Variants in PDSS2 observed in about 807,000 individuals in gnomAD.
PDSS2 encodes the protein decaprenyl diphosphate synthase subunit 2.
In PDSS2, 31 loss-of-function variants were observed where a neutral mutation model predicts 44.5. The observed-to-expected ratio is 0.70, with a 90% confidence interval of 0.52 to 0.94. The LOEUF (loss-of-function observed/expected upper bound fraction) is 0.94, where lower values mean the gene tolerates loss of function less well. Among genes scored for constraint, PDSS2 ranks in the 40% least tolerant of loss-of-function variants. The pLI, the probability that PDSS2 is intolerant of heterozygous loss-of-function variation, is 0.00. For synonymous variants in PDSS2, 157 were observed against 180.3 expected, an observed-to-expected ratio of 0.87 and a Z score of 1.03; for missense variants, 452 against 482.2, an observed-to-expected ratio of 0.94 and a Z score of 0.59.
intron 1 of PDSS2, among the ~76,000 whole-genome samples, chr6:107,427,265 T>C (rs966887840): frequency 2.6e-5 from 4 of 152,204 alleles, no homozygotes; most frequent in Non-Finnish European, 4.4e-5. Flanking sequence ...CTGCCATCCA[T>C]GTAGGCTATC....
intron 4 of PDSS2, among the ~76,000 whole-genome samples, chr6:107,243,770 GA>G (rs1253312566): frequency 1.3e-5 from 2 of 152,182 alleles, no homozygotes; most frequent in Non-Finnish European, 2.9e-5. Context: ...AGACCTAGGT[GA>G]GGACAGGCAC....
chr6:107,266,329 A>G (rs145328240), intron 3 of PDSS2, among the ~76,000 whole-genome samples: 1 of 152,184 alleles, frequency 6.6e-6, no homozygotes, highest in African/African-American at 2.4e-5. Flanking sequence ...GAGAAGATCA[A>G]TTACAGACCC....
At chr6:107,447,434 A>G (rs1781724056) in intron 1 of PDSS2, among the ~76,000 whole-genome samples, 1 of 152,182 alleles carries the variant, frequency 6.6e-6, no homozygotes, top group African/African-American at 2.4e-5. Flanking sequence ...TCCAAATGGG[A>G]GAAACTGGCC....
At chr6:107,357,257 C>T (rs1236527759) in intron 1 of PDSS2, among the ~76,000 whole-genome samples, 1 of 152,018 alleles carries the variant, frequency 6.6e-6, no homozygotes, top group Admixed American at 6.6e-5. Flanking sequence ...TTTATACAGG[C>T]TATTAACTAT....
chr6:107,244,202 T>G (rs1477089842), intron 4 of PDSS2, among the ~76,000 whole-genome samples: 1 of 152,186 alleles, frequency 6.6e-6, no homozygotes, highest in East Asian at 1.9e-4. Context: ...TAACAAGTTG[T>G]GTGACCTTGG....
chr6:107,223,764 G>A (rs1773695144), intron 4 of PDSS2, among the ~76,000 whole-genome samples: 1 of 145,306 alleles, frequency 6.9e-6, no homozygotes, highest in Non-Finnish European at 1.5e-5. Context: ...ACCCGCCCCC[G>A]ACCCCGACCC....
At chr6:107,271,079 C>T (rs1775583528) in intron 3 of PDSS2, among the ~76,000 whole-genome samples, 1 of 152,212 alleles carries the variant, frequency 6.6e-6, no homozygotes, top group Non-Finnish European at 1.5e-5. Context: ...GAGTCGTATG[C>T]ATATATACCT....
At chr6:107,422,683 G>A (rs1023995252) in intron 1 of PDSS2, among the ~76,000 whole-genome samples, 1 of 151,960 alleles carries the variant, frequency 6.6e-6, no homozygotes, top group African/African-American at 2.4e-5. Context: ...ACTGTTGAGA[G>A]AGAAAAGTAA....
Position 107,264,295 on chromosome 6 carries a change from A to G in PDSS2, c.630+9734T>C, listed in dbSNP as rs1353014220. 1.1e-5 allele frequency: 15 copies of G among 1,414,922 alleles called. No individual in the cohort carries two copies. The South Asian group carries it at 1.9e-4, about 18-fold the overall frequency. 87.6% of individuals were successfully genotyped at this position (1,414,922 alleles called of 1,614,324 possible). A position where few individuals can be genotyped will look rare whatever the true frequency, so the allele number is the denominator to read the frequency against. On this transcript the variant is annotated intron_variant, in intron 3 of 7. Coordinates refer to ENST00000369037, the MANE Select transcript of PDSS2 (RefSeq NM_020381.4). ...ATACTTCATTTTAAACAACATATTT[A>G]CGCCTTTAGGAAAACAAAGTTAACA...
chr6:107,358,075 A>G (rs535250107), intron 1 of PDSS2, among the ~76,000 whole-genome samples: 1 of 152,344 alleles, frequency 6.6e-6, no homozygotes, highest in Non-Finnish European at 1.5e-5. Flanking sequence ...AAATAATGCC[A>G]TAAGTGGAAT....
intron 4 of PDSS2, among the ~76,000 whole-genome samples, chr6:107,232,138 T>C (rs1296759897): frequency 1.3e-5 from 2 of 152,146 alleles, no homozygotes; most frequent in Non-Finnish European, 2.9e-5. Context: ...GAGTAATAAC[T>C]AAAACAGAGT....
intron 2 of PDSS2, among the ~76,000 whole-genome samples, chr6:107,287,723 T>C (rs1356612865): frequency 6.6e-6 from 1 of 152,196 alleles, no homozygotes; most frequent in African/African-American, 2.4e-5. Context: ...GTTTTCACCA[T>C]GTTGACCAGA....
intron 1 of PDSS2, among the ~76,000 whole-genome samples, chr6:107,393,288 A>G (rs1294274049): frequency 6.6e-6 from 1 of 152,072 alleles, no homozygotes; most frequent in East Asian, 1.9e-4. Context: ...CTATTGTTTA[A>G]TTTCTAAATA....
At chr6:107,395,163 T>C (rs1305697551) in intron 1 of PDSS2, among the ~76,000 whole-genome samples, 1 of 152,148 alleles carries the variant, frequency 6.6e-6, no homozygotes, top group African/African-American at 2.4e-5. Flanking sequence ...TTGATAAGCA[T>C]ACCTTTATTC....
At chr6:107,334,488 C>A (rs1777813193) in intron 1 of PDSS2, among the ~76,000 whole-genome samples, 156 bp from the exon 2 acceptor site, 1 of 151,880 alleles carries the variant, frequency 6.6e-6, no homozygotes, top group Non-Finnish European at 1.5e-5. Flanking sequence ...TGTGAGGATG[C>A]CATGAGTTCA....
chr6:107,277,678 C>A (rs956554561), intron 2 of PDSS2, among the ~76,000 whole-genome samples: 23 of 152,084 alleles, frequency 1.5e-4, no homozygotes, highest in African/African-American at 5.3e-4. Flanking sequence ...TCAGGCCAGG[C>A]GCGGTGGCTC....
intron 3 of PDSS2, among the ~76,000 whole-genome samples, chr6:107,256,327 C>G (rs946457897): frequency 6.6e-6 from 1 of 152,160 alleles, no homozygotes; most frequent in Non-Finnish European, 1.5e-5. Context: ...TTCCTGAAAA[C>G]AAATTGGCTT....
chr6:107,400,369 A>G (rs888928763), intron 1 of PDSS2, among the ~76,000 whole-genome samples: 7 of 152,174 alleles, frequency 4.6e-5, no homozygotes, highest in African/African-American at 1.7e-4. Flanking sequence ...AGGACACCCC[A>G]CAGTCAGAAC....
chr6:107,156,766 T>C (rs922148614), intron 7 of PDSS2, among the ~76,000 whole-genome samples: 3 of 152,198 alleles, frequency 2.0e-5, no homozygotes, highest in African/African-American at 4.8e-5. Context: ...CCTGGATCCC[T>C]GAGTGACTGT....
Sources: gnomAD v4.1 joint callset for allele counts (sites outside exome capture counted in the v4.1 genomes callset) on GRCh38, gnomAD v4.1.1 for gene constraint, MANE v1.5 for transcripts, NCBI Gene and HGNC (gene_info 2026-07-23, HGNC 2026-07-21) for gene names.